UNC5D: variants seen among roughly 807,000 people sequenced by gnomAD.
The protein encoded by UNC5D is netrin receptor UNC5D.
UNC5D carries 39 observed loss-of-function variants against 105.4 expected under a neutral mutation model. That is an observed-to-expected ratio of 0.37 (90% CI 0.29 to 0.48). The LOEUF (loss-of-function observed/expected upper bound fraction) is 0.48, where lower values mean the gene tolerates loss of function less well. UNC5D is among the 20% of genes least tolerant of loss of function. UNC5D has a pLI of 0.98. For synonymous variants in UNC5D, 452 were observed against 450.4 expected (o/e 1.00, Z -0.04); for missense variants, 991 against 1,202.4 (o/e 0.82, Z 2.60).
chr8:35,301,636 G>T (rs141248716), intron 1 of UNC5D, among the ~76,000 whole-genome samples: 206 of 152,216 alleles, frequency 1.4e-3, no homozygotes, highest in African/African-American at 4.8e-3. Context: ...CTGAAATATG[G>T]CTGTTACAAA....
intron 1 of UNC5D, among the ~76,000 whole-genome samples, chr8:35,341,525 C>T (rs1426655825): frequency 2.0e-5 from 3 of 151,194 alleles, no homozygotes; most frequent in East Asian, 3.9e-4. Context: ...TGGATATACT[C>T]GCAGTGATAG....
At chr8:35,413,277 GTGTGTGTGTGTGTGT>G (rs965477712) in intron 1 of UNC5D, among the ~76,000 whole-genome samples, 6 of 20,838 alleles carry the variant, frequency 2.9e-4, no homozygotes, top group African/African-American at 5.8e-4. Flanking sequence ...GTGTGTGTGT[GTGTGTGTGTGTGTGT>G]TGTGTGTGTG....
chr8:35,320,179 T>C (rs1001645507), intron 1 of UNC5D, among the ~76,000 whole-genome samples: 11 of 152,040 alleles, frequency 7.2e-5, no homozygotes, highest in Non-Finnish European at 1.5e-4. Flanking sequence ...TATATTGGTT[T>C]GGTCCTGAAA....
intron 1 of UNC5D, among the ~76,000 whole-genome samples, chr8:35,440,575 G>C (rs1482247578): frequency 5.9e-5 from 9 of 151,980 alleles, no homozygotes; most frequent in Admixed American, 3.9e-4. Context: ...CATTTAGCAA[G>C]TTAAGTACCT....
At chr8:35,765,737 C>T (rs995554862) in intron 14 of UNC5D, among the ~76,000 whole-genome samples, 1 of 152,192 alleles carries the variant, frequency 6.6e-6, no homozygotes. Context: ...TTCAATCGTG[C>T]TCTTTTAGTC....
In UNC5D at chr8:35,684,747, C is replaced by G; in HGVS notation, c.917C>G (p.Pro306Arg). 1 of 1,611,786 alleles carries G rather than the reference C, an allele frequency of 6.2e-7. No individual in the cohort carries two copies. ...VQKITCTSLC[P>R]VDGSWEVWSE... ...AAAATAACCTGCACTTCTCTTTGTC[C>G]TGGTGAGATATATGCAGATTCCCTT... is the stretch of plus-strand genomic sequence containing the variant. The change falls in exon 6 of 17, where the codon CCT becomes CGT. Residue 306 changes from proline to arginine, a missense_variant and splice_region_variant. This residue lies in a region of UNC5D where 944 missense variants were observed against 1,131.6 expected (regional missense o/e 0.83). Coordinates refer to ENST00000404895, the MANE Select transcript of UNC5D (RefSeq NM_080872.4).
intron 1 of UNC5D, among the ~76,000 whole-genome samples, chr8:35,422,953 CAA>C (rs1362593119): frequency 2.0e-5 from 3 of 152,146 alleles, no homozygotes; most frequent in African/African-American, 4.8e-5. Flanking sequence ...GATGAAGAAA[CAA>C]AGCCTCCACA....
chr8:35,510,673 C>G (rs1812643952), intron 1 of UNC5D, among the ~76,000 whole-genome samples: 1 of 152,184 alleles, frequency 6.6e-6, no homozygotes, highest in Admixed American at 6.5e-5. Flanking sequence ...AACATCTCAG[C>G]TTGGCCAGAC....
chr8:35,645,312 A>C (rs951433871), intron 4 of UNC5D, among the ~76,000 whole-genome samples: 7 of 152,302 alleles, frequency 4.6e-5, no homozygotes, highest in African/African-American at 1.7e-4. Flanking sequence ...AAGCTGAAGC[A>C]GCAGCCTGGT....
rs191911458 is a variant in UNC5D at position 35,401,448 on chromosome 8, C to A, written c.104-147844C>A. On this transcript the variant is annotated intron_variant, in intron 1 of 16. Coordinates refer to ENST00000404895, the MANE Select transcript of UNC5D (RefSeq NM_080872.4). ...GCAGTGAGCCGAGATCCGGCCACTG[C>A]ACTCCAGCCTGGACAACAGAGCAGG... Among the ~76,000 whole-genome samples the A allele has an allele frequency of 4.6e-5, 7 of 152,308 alleles. No homozygotes were observed. In the East Asian group the frequency reaches 1.4e-3, roughly 29 times the overall value.
At chr8:35,400,920 A>G (rs145982036) in intron 1 of UNC5D, among the ~76,000 whole-genome samples, 1 of 152,138 alleles carries the variant, frequency 6.6e-6, no homozygotes, top group Non-Finnish European at 1.5e-5. Context: ...TATATAACTG[A>G]TATATAATGC....
At position 35,583,462 on chromosome 8, in the gene UNC5D, A is replaced by C. The variant is rs554333554; in HGVS notation, c.467-12092A>C. On this transcript the variant is annotated intron_variant, in intron 3 of 16. Coordinates refer to ENST00000404895, the MANE Select transcript of UNC5D (RefSeq NM_080872.4). ...CTTGGGAACTGAGCAGCCTAAGTGC[A>C]GTCAGTGCTTCCAGGCTCTGATCTT... is the stretch of plus-strand genomic sequence containing the variant. Among the ~76,000 whole-genome samples the C allele has an allele frequency of 2.6e-5, 4 of 152,258 alleles. No individual in the cohort carries two copies. In the East Asian group the frequency reaches 7.7e-4, roughly 29 times the overall value.
intron 1 of UNC5D, among the ~76,000 whole-genome samples, chr8:35,362,992 C>A (rs1391720344): frequency 1.3e-5 from 2 of 152,132 alleles, no homozygotes; most frequent in South Asian, 4.1e-4. Context: ...TTTCTCTGGT[C>A]CAGAGTCCAA....
intron 16 of UNC5D, among the ~76,000 whole-genome samples, chr8:35,780,504 C>G (rs906898101): frequency 6.6e-6 from 1 of 152,120 alleles, no homozygotes; most frequent in Non-Finnish European, 1.5e-5. Context: ...CAATCTGTTT[C>G]TGAATAACTG....
intron 4 of UNC5D, among the ~76,000 whole-genome samples, chr8:35,606,512 A>G (rs773134242): frequency 6.6e-6 from 1 of 152,108 alleles, no homozygotes; most frequent in Non-Finnish European, 1.5e-5. Context: ...TGTACAGATT[A>G]TTTCATCACT....
At chr8:35,759,190 A>G in intron 13 of UNC5D, 130 bp from the exon 14 acceptor site, 1 of 965,260 alleles carries the variant, frequency 1.0e-6, no homozygotes. Flanking sequence ...GTAAAGAAGT[A>G]TGTTTCTCCT....
At chr8:35,774,501 G>A (rs1802149958) in intron 16 of UNC5D, 24 bp downstream of exon 16, 2 of 1,612,676 alleles carry the variant, frequency 1.2e-6, no homozygotes, top group Non-Finnish European at 1.7e-6. Context: ...GCTTCTGGAA[G>A]ACGATGTTAC....
Position 35,726,351 on chromosome 8 carries a change from C to T in UNC5D, c.1503C>T (p.Tyr501=). ...VSLGVSERAE[Y]HGKNHSRTFP... ...TGGGAGTGTCTGAGAGAGCTGAGTA[C>T]CACGGCAAGAATCATTCCAGGACTT... The change falls in exon 10 of 17, where the codon TAC becomes TAT. Residue 501 remains tyrosine, a synonymous_variant. Transcript: ENST00000404895. The T allele has an allele frequency of 6.2e-7, 1 of 1,614,102 alleles. No homozygotes were observed. The highest frequency in any genetic ancestry group is 8.5e-7 in the Non-Finnish European group (1 of 1,180,006).
chr8:35,580,549 GAAAAA>G (rs34511059), intron 3 of UNC5D, among the ~76,000 whole-genome samples: 1 of 148,440 alleles, frequency 6.7e-6, no homozygotes, highest in African/African-American at 2.5e-5. Flanking sequence ...AAGACTGAAA[GAAAAA>G]AAAAAGTAGA....
Sources: allele counts gnomAD v4.1 joint callset (sites outside exome capture counted in the v4.1 genomes callset), GRCh38; gene constraint gnomAD v4.1.1; regional missense constraint gnomAD v4.1.1; transcripts MANE v1.5; gene names NCBI Gene and HGNC (gene_info 2026-07-23, HGNC 2026-07-21).